The following ZNF512 variants were observed in gnomAD, a reference collection of about 807,000 sequenced individuals.
ZNF512 encodes zinc finger protein 512.
In ZNF512, 25 loss-of-function variants were observed where a neutral mutation model predicts 77.5. The ratio of observed to expected loss-of-function variants is 0.32; its 90% confidence interval spans 0.23 to 0.45. ZNF512 has a LOEUF of 0.45. Ranked by LOEUF, ZNF512 falls within the 20% of genes least tolerant of loss-of-function variation. The probability of loss-of-function intolerance (pLI) is 1.00; values close to 1 mark genes in which losing one functional copy is unlikely to be tolerated. For synonymous variants in ZNF512, 246 were observed against 239.9 expected (o/e 1.03, Z -0.24); for missense variants, 483 against 692.6 (o/e 0.70, Z 3.40).
At chr2:27,599,755 C>T (rs1286515301) in intron 4 of ZNF512, 77 bp downstream of exon 4, 6 of 1,419,656 alleles carry the variant, frequency 4.2e-6, no homozygotes, top group Non-Finnish European at 5.9e-6. Context: ...AAAGAGAAGC[C>T]TTAGTTTGAG....
At chr2:27,599,712 G>A (rs912361260) in intron 4 of ZNF512, 34 bp downstream of exon 4, 4 of 1,573,306 alleles carry the variant, frequency 2.5e-6, no homozygotes, top group Non-Finnish European at 3.5e-6. Flanking sequence ...CTTTTTCCTT[G>A]GGTGACTGAG....
chr2:27,621,124 TG>T, intron 13 of ZNF512, 28 bp from the exon 14 acceptor site: 1 of 1,595,456 alleles, frequency 6.3e-7, no homozygotes, highest in Non-Finnish European at 8.5e-7. Context: ...TATTTTCGAC[TG>T]GATGACATTT....
At chr2:27,598,017 A>G in intron 2 of ZNF512, 50 bp from the exon 3 acceptor site, 1 of 1,428,662 alleles carries the variant, frequency 7.0e-7, no homozygotes, top group South Asian at 1.6e-5. Flanking sequence ...AATGTATAGA[A>G]ATTTTGCTCC....
chr2:27,604,256 T>C (rs1381658348), intron 9 of ZNF512, among the ~76,000 whole-genome samples: 1 of 152,158 alleles, frequency 6.6e-6, no homozygotes, highest in Non-Finnish European at 1.5e-5. Flanking sequence ...ACTAAAGGCA[T>C]TCCCCCATAG....
intron 2 of ZNF512, among the ~76,000 whole-genome samples, chr2:27,593,195 T>TACAC (rs57568574): frequency 0.029 from 3,271 of 112,090 alleles, 60 homozygotes; most frequent in Non-Finnish European, 0.032. Flanking sequence ...ACCCTGTCTC[T>TACAC]ACACACACAC....
intron 10 of ZNF512, among the ~76,000 whole-genome samples, chr2:27,608,376 G>C (rs1672458526): frequency 6.6e-6 from 1 of 152,136 alleles, no homozygotes; most frequent in African/African-American, 2.4e-5. Flanking sequence ...GTTTCAGTTT[G>C]TTTTGTAGTA....
chr2:27,616,113 T>G, intron 11 of ZNF512, 149 bp from the exon 12 acceptor site: 1 of 534,312 alleles, frequency 1.9e-6, no homozygotes, highest in South Asian at 3.0e-5. Context: ...CTTTTGCGGC[T>G]TGCATGTATA....
intron 2 of ZNF512, among the ~76,000 whole-genome samples, chr2:27,593,548 G>C (rs1031256446): frequency 6.6e-6 from 1 of 152,164 alleles, no homozygotes; most frequent in Non-Finnish European, 1.5e-5. Context: ...TTGAGCCAGA[G>C]AGGTCCAAGC....
chr2:27,598,159 G>T lies in ZNF512; in HGVS notation c.182G>T (p.Cys61Phe). 1 of 1,614,122 alleles carries T rather than the reference G, an allele frequency of 6.2e-7. No homozygotes were observed. The highest frequency in any genetic ancestry group is 8.5e-7 in the Non-Finnish European group (1 of 1,179,994). ...AGTGGTTCATCGTCTGCATCTTCGTGTGAACCAGTGAGTGATTTTCCAGCA... is the reference window on the plus strand; with the variant it reads ...AGTGGTTCATCGTCTGCATCTTCGTTTGAACCAGTGAGTGATTTTCCAGCA... ...SLSGSSSASSCEPVSDFPASF... is the reference protein window; with the variant it reads ...SLSGSSSASSFEPVSDFPASF... Residue 61 changes from cysteine (C) to phenylalanine (F), a missense_variant, in exon 3 of 14, where the codon TGT becomes TTT. Coordinates refer to ENST00000355467, the MANE Select transcript of ZNF512 (RefSeq NM_032434.4).
At chr2:27,597,138 A>G (rs1054758786) in intron 2 of ZNF512, among the ~76,000 whole-genome samples, 2 of 152,004 alleles carry the variant, frequency 1.3e-5, no homozygotes, top group African/African-American at 4.8e-5. Flanking sequence ...GTTACTTCCA[A>G]CTCCCTGATG....
chr2:27,599,869 T>C, intron 4 of ZNF512, 101 bp from the exon 5 acceptor site: 2 of 1,383,136 alleles, frequency 1.4e-6, no homozygotes, highest in Non-Finnish European at 2.0e-6. Context: ...AGTCAGTCGG[T>C]TGAGGGACTG....
At position 27,599,996 on chromosome 2, in the gene ZNF512, C is replaced by G. The variant is rs1672044263; in HGVS notation, c.400C>G (p.Pro134Ala). The G allele has an allele frequency of 6.2e-7, 1 of 1,614,164 alleles. No individual in the cohort carries two copies. Among genetic ancestry groups the G allele is most frequent in the Non-Finnish European group, 8.5e-7 (1 of 1,180,010 alleles). Residue 134 changes from proline (P) to alanine (A), a missense_variant, in exon 5 of 14, where the codon CCC (proline) becomes GCC (alanine). Pro to Ala is a conservative substitution (Grantham distance 27). Transcript: ENST00000355467. ...YGRKQRPKTQ[P>A]NPKSQARRIR... ...GAGGAAGCAACGGCCTAAAACTCAG[C>G]CCAATCCCAAATCCCAGGCCCGTCG...
chr2:27,603,295 A>G lies in ZNF512; in HGVS notation c.924A>G (p.Ser308=). 1 of 1,613,910 alleles carries G rather than the reference A, an allele frequency of 6.2e-7. No individual in the cohort carries two copies. The highest frequency in any genetic ancestry group is 2.2e-5 in the East Asian group (1 of 44,878). Residue 308 remains serine, a synonymous_variant, in exon 9 of 14, where the codon TCA becomes TCG. Coordinates refer to ENST00000355467, the MANE Select transcript of ZNF512 (RefSeq NM_032434.4). ...SKAGLAYHLR[S]EHGPISFFPE... is the part of the protein sequence containing the mutation. ...CTGGACTTGCATATCACCTGAGGTC[A>G]GAGCATGGGCCTGTGAGTACTGATT...
At chr2:27,583,920 TC>T (rs1182700577) in intron 2 of ZNF512, among the ~76,000 whole-genome samples, 1 of 146,874 alleles carries the variant, frequency 6.8e-6, no homozygotes, top group African/African-American at 2.4e-5. Context: ...GTGAGGTTTT[TC>T]TAAGGTTCTT....
chr2:27,603,352 G>A (rs191041442), intron 9 of ZNF512, 45 bp downstream of exon 9: 37 of 1,601,412 alleles, frequency 2.3e-5, no homozygotes, highest in East Asian at 8.9e-5. Flanking sequence ...GATGTATTTC[G>A]TGGTGAGTCC....
chr2:27,614,790 G>A (rs1279424153), intron 10 of ZNF512, among the ~76,000 whole-genome samples: 1 of 150,374 alleles, frequency 6.7e-6, no homozygotes, highest in Non-Finnish European at 1.5e-5. Flanking sequence ...ACACGAATGC[G>A]AATTTGTATC....
intron 13 of ZNF512, among the ~76,000 whole-genome samples, chr2:27,619,105 G>T (rs543817709): frequency 6.6e-6 from 1 of 152,164 alleles, no homozygotes; most frequent in East Asian, 1.9e-4. Context: ...TTTGCTTTAG[G>T]AAGTATTTAA....
At chr2:27,599,554 TTTTG>T in intron 3 of ZNF512, 25 bp from the exon 4 acceptor site, 1 of 1,565,360 alleles carries the variant, frequency 6.4e-7, no homozygotes. Context: ...TGTGCTGAGT[TTTTG>T]TTTTGTTTTT....
chr2:27,597,963 C>G, intron 2 of ZNF512, 104 bp from the exon 3 acceptor site: 2 of 821,270 alleles, frequency 2.4e-6, no homozygotes, highest in East Asian at 2.5e-5. Context: ...TAGCAGGCTT[C>G]TTAGTTTTCT....
Sources: allele counts gnomAD v4.1 joint callset (sites outside exome capture counted in the v4.1 genomes callset), GRCh38; gene constraint gnomAD v4.1.1; transcripts MANE v1.5; gene names NCBI Gene and HGNC (gene_info 2026-07-23, HGNC 2026-07-21).